NCALD: variants seen among roughly 807,000 people sequenced by gnomAD.
NCALD encodes the protein neurocalcin delta, also known as neurocalcin-delta.
NCALD carries 10 observed loss-of-function variants against 18.6 expected under a neutral mutation model. The observed-to-expected ratio is 0.54, with a 90% CI of 0.33 to 0.91. The LOEUF is 0.91. NCALD is among the 40% of genes least tolerant of loss of function. The probability of loss-of-function intolerance (pLI) is 0.03; values close to 1 mark genes in which losing one functional copy is unlikely to be tolerated. For missense variants in NCALD, 184 were observed against 247.6 expected, an observed-to-expected ratio of 0.74 and a Z score of 1.72; for synonymous variants, 88 against 87.4, an observed-to-expected ratio of 1.01 and a Z score of -0.04.
At chr8:101,797,048 A>G (rs751475924) in intron 4 of NCALD, among the ~76,000 whole-genome samples, 11 of 152,184 alleles carry the variant, frequency 7.2e-5, no homozygotes, top group Non-Finnish European at 1.5e-4. Flanking sequence ...GATGGAACCA[A>G]TGTACTTCTT....
intron 1 of NCALD, among the ~76,000 whole-genome samples, chr8:102,028,482 C>A (rs1292489282): frequency 2.0e-5 from 3 of 152,226 alleles, no homozygotes; most frequent in Admixed American, 2.0e-4. Context: ...GAGGGGGAAA[C>A]AATGCCTGCA....
At chr8:102,032,308 G>A (rs1291140096) in intron 1 of NCALD, among the ~76,000 whole-genome samples, 4 of 151,876 alleles carry the variant, frequency 2.6e-5, no homozygotes, top group African/African-American at 4.8e-5. Flanking sequence ...CCACACTTAC[G>A]GCTTCAAAAG....
At chr8:101,713,688 G>T (rs1815923791) in intron 2 of NCALD, among the ~76,000 whole-genome samples, 2 of 152,154 alleles carry the variant, frequency 1.3e-5, no homozygotes, top group African/African-American at 2.4e-5. Context: ...AAGAAGAAAT[G>T]GATAAATTCC....
chr8:101,747,188 C>T (rs1226669668), intron 1 of NCALD, among the ~76,000 whole-genome samples: 1 of 87,718 alleles, frequency 1.1e-5, no homozygotes, highest in Non-Finnish European at 3.4e-5. Flanking sequence ...GTCCTTCTGG[C>T]GTCTTCTCCT....
chr8:101,900,825 G>C (rs552986155), intron 3 of NCALD, among the ~76,000 whole-genome samples: 3 of 151,954 alleles, frequency 2.0e-5, no homozygotes, highest in Non-Finnish European at 4.4e-5. Flanking sequence ...TGGGTGGATT[G>C]TATAAATATA....
At chr8:101,701,276 C>T (rs1026315408) in intron 2 of NCALD, among the ~76,000 whole-genome samples, 1 of 152,334 alleles carries the variant, frequency 6.6e-6, no homozygotes, top group Admixed American at 6.5e-5. Context: ...ATGTCTTTTA[C>T]TAGCTTCAGT....
chr8:101,819,634 C>T (rs946647263), intron 4 of NCALD, among the ~76,000 whole-genome samples: 3 of 152,148 alleles, frequency 2.0e-5, no homozygotes, highest in African/African-American at 7.2e-5. Context: ...GTTTGTTTGA[C>T]AGCACCAGGC....
At chr8:101,773,801 C>T (rs920627391) in intron 1 of NCALD, among the ~76,000 whole-genome samples, 11 of 152,200 alleles carry the variant, frequency 7.2e-5, no homozygotes, top group Non-Finnish European at 1.6e-4. Context: ...CCCATTGAGG[C>T]TATTTCCCGC....
chr8:101,691,455 CT>C (rs1230869294), intron 3 of NCALD: 1 of 985,248 alleles, frequency 1.0e-6, no homozygotes, highest in East Asian at 1.1e-4. Flanking sequence ...GGCTTTAGGG[CT>C]TTATCCTGTG....
intron 1 of NCALD, among the ~76,000 whole-genome samples, chr8:102,093,386 T>G (rs1460194557): frequency 6.6e-6 from 1 of 152,232 alleles, no homozygotes; most frequent in Non-Finnish European, 1.5e-5. Context: ...GATTGCTAGC[T>G]GCCAACATAT....
At chr8:102,029,995 A>G (rs1822610858) in intron 1 of NCALD, among the ~76,000 whole-genome samples, 1 of 152,350 alleles carries the variant, frequency 6.6e-6, no homozygotes, top group African/African-American at 2.4e-5. Context: ...TTGTCTAGAC[A>G]AGAGCACATG....
chr8:101,773,009 T>G (rs1811648949), intron 1 of NCALD, among the ~76,000 whole-genome samples: 1 of 152,140 alleles, frequency 6.6e-6, no homozygotes, highest in South Asian at 2.1e-4. Flanking sequence ...GTAGTTGCAA[T>G]TTTTTACTTC....
chr8:101,879,322 G>A (rs1223762022), intron 4 of NCALD, among the ~76,000 whole-genome samples: 1 of 152,152 alleles, frequency 6.6e-6, no homozygotes, highest in African/African-American at 2.4e-5. Context: ...TCCTTCTGCT[G>A]GGTTCGTGGT....
At chr8:102,088,720 A>G (rs962069963) in intron 1 of NCALD, among the ~76,000 whole-genome samples, 10 of 152,216 alleles carry the variant, frequency 6.6e-5, no homozygotes, top group Admixed American at 1.3e-4. Context: ...AAAAACAAAA[A>G]CAAAAAACCT....
chr8:101,960,477 G>A lies in NCALD; in HGVS notation c.-156-44619C>T, dbSNP rs139074108. The stretch of plus-strand genomic sequence containing the variant: ...GATGGCATTACTGTTTTACAAGTAG[G>A]AATAGTGTGGCTAGTGGAGGAGAAA... On this transcript the variant is annotated intron_variant, in intron 2 of 6. Transcript: ENST00000311028. 4.9e-3 allele frequency among the ~76,000 whole-genome samples: 741 copies of A among 152,250 alleles called. 3 individuals carry two copies. Among genetic ancestry groups the A allele is most frequent in the Non-Finnish European group, 7.0e-3 (477 of 68,004 alleles).
chr8:101,872,148 G>A, intron 4 of NCALD: 1 of 1,607,120 alleles, frequency 6.2e-7, no homozygotes. Flanking sequence ...CAAGTCCACT[G>A]AGGTGCTGAT....
At chr8:101,901,567 T>C (rs1377546527) in intron 3 of NCALD, among the ~76,000 whole-genome samples, 1 of 152,170 alleles carries the variant, frequency 6.6e-6, no homozygotes, top group East Asian at 1.9e-4. Context: ...ATAATAAATA[T>C]ACACAACTTA....
chr8:101,713,756 G>A (rs7386408), intron 2 of NCALD, among the ~76,000 whole-genome samples: 5,797 of 152,064 alleles, frequency 0.038, 199 homozygotes, highest in East Asian at 0.12. Context: ...CTGAATAGAC[G>A]AATAACACAT....
Position 101,922,024 on chromosome 8 carries a change from A to G in NCALD, c.-156-6166T>C, listed in dbSNP as rs147052422. ...AGTGGCACAATCTCAGCTCACTGTA[A>G]CCTCCACCTCTGGGGTTCAAGCAAT... On this transcript the variant is annotated intron_variant, in intron 2 of 6. Coordinates refer to the NCALD transcript ENST00000311028. Among the ~76,000 whole-genome samples the G allele has an allele frequency of 6.6e-5, 10 of 152,018 alleles. No homozygotes were observed. The East Asian group carries it at 1.9e-3, about 29-fold the overall frequency.
Sources: gnomAD v4.1 joint callset for allele counts (sites outside exome capture counted in the v4.1 genomes callset) on GRCh38, gnomAD v4.1.1 for gene constraint, MANE v1.5 for transcripts, NCBI Gene and HGNC (gene_info 2026-07-23, HGNC 2026-07-21) for gene names.